ADGRG6: variants seen among roughly 807,000 people sequenced by gnomAD.
ADGRG6 encodes adhesion G protein-coupled receptor G6.
A neutral mutation model predicts 142.4 loss-of-function variants in ADGRG6; 84 were observed. The observed-to-expected ratio is 0.59, with a 90% CI of 0.49 to 0.71. The LOEUF (loss-of-function observed/expected upper bound fraction) is 0.71, where lower values mean the gene tolerates loss of function less well. Ranked by LOEUF, ADGRG6 falls within the 30% of genes least tolerant of loss-of-function variation. The probability of loss-of-function intolerance (pLI) is 0.00; values close to 1 mark genes in which losing one functional copy is unlikely to be tolerated. For synonymous variants in ADGRG6, 521 were observed against 520.5 expected, an observed-to-expected ratio of 1.00 and a Z score of -0.01; for missense variants, 1,367 against 1,466.6, an observed-to-expected ratio of 0.93 and a Z score of 1.11.
intron 2 of ADGRG6, among the ~76,000 whole-genome samples, chr6:142,357,557 C>T (rs991562000): frequency 3.9e-5 from 6 of 152,182 alleles, no homozygotes; most frequent in African/African-American, 1.4e-4. Context: ...CAAACCTTGG[C>T]TATTTAAACT....
At chr6:142,433,835 C>G (rs913469280) in intron 22 of ADGRG6, among the ~76,000 whole-genome samples, 1 of 152,152 alleles carries the variant, frequency 6.6e-6, no homozygotes, top group Admixed American at 6.5e-5. Context: ...GCAGGAGAAT[C>G]GTTTGAGGCC....
chr6:142,313,577 G>A (rs895598934), intron 2 of ADGRG6, among the ~76,000 whole-genome samples: 17 of 152,142 alleles, frequency 1.1e-4, no homozygotes, highest in Non-Finnish European at 1.9e-4. Flanking sequence ...ACAGCTACCA[G>A]GGGAAATGTT....
chr6:142,361,763 A>G (rs1302481963), intron 2 of ADGRG6, among the ~76,000 whole-genome samples: 1 of 151,988 alleles, frequency 6.6e-6, no homozygotes, highest in Non-Finnish European at 1.5e-5. Flanking sequence ...TTGGTGATAG[A>G]CCATGCAGTT....
At chr6:142,311,662 T>TA (rs746812714) in intron 2 of ADGRG6, among the ~76,000 whole-genome samples, 17 of 151,970 alleles carry the variant, frequency 1.1e-4, no homozygotes, top group Non-Finnish European at 2.5e-4. Flanking sequence ...TTTTGTTGAC[T>TA]AATTTTTGCT....
At chr6:142,411,933 T>C (rs1025923230) in intron 18 of ADGRG6, among the ~76,000 whole-genome samples, 1 of 152,156 alleles carries the variant, frequency 6.6e-6, no homozygotes, top group African/African-American at 2.4e-5. Context: ...GACTAGTGAC[T>C]AGGGTTAGAA....
At chr6:142,384,917 A>T (rs1036061090) in intron 6 of ADGRG6, among the ~76,000 whole-genome samples, 9 of 152,146 alleles carry the variant, frequency 5.9e-5, no homozygotes, top group South Asian at 2.1e-4. Flanking sequence ...GGTTATTCTG[A>T]TAGTTACACC....
intron 1 of ADGRG6, among the ~76,000 whole-genome samples, chr6:142,306,433 A>C (rs1311433937): frequency 1.3e-5 from 2 of 152,052 alleles, no homozygotes; most frequent in East Asian, 3.9e-4. Flanking sequence ...TGTGGGTCTC[A>C]AAAAGGACGC....
chr6:142,305,285 C>T (rs1389482164), intron 1 of ADGRG6, among the ~76,000 whole-genome samples: 1 of 152,024 alleles, frequency 6.6e-6, no homozygotes, highest in African/African-American at 2.4e-5. Flanking sequence ...CATTTTAAAT[C>T]TACAGGACGT....
intron 20 of ADGRG6, 79 bp downstream of exon 20, chr6:142,416,143 A>T (rs1228786529): frequency 1.3e-5 from 13 of 987,864 alleles, no homozygotes; most frequent in Admixed American, 7.7e-5. Context: ...AATCTTATTT[A>T]AAAAAAAATA....
At chr6:142,361,533 C>T (rs1166039435) in intron 2 of ADGRG6, among the ~76,000 whole-genome samples, 1 of 152,008 alleles carries the variant, frequency 6.6e-6, no homozygotes, top group East Asian at 1.9e-4. Context: ...CCAGAAGCAG[C>T]GTGTGCTCAG....
chr6:142,333,736 CT>C (rs1228422490), intron 2 of ADGRG6, among the ~76,000 whole-genome samples: 1 of 152,096 alleles, frequency 6.6e-6, no homozygotes. Flanking sequence ...TCAATAATAC[CT>C]ACTTCACACT....
intron 4 of ADGRG6, 51 bp downstream of exon 4, chr6:142,370,844 G>A: frequency 6.5e-7 from 1 of 1,531,188 alleles, no homozygotes; most frequent in East Asian, 2.3e-5. Flanking sequence ...ATTATTCTAT[G>A]AATATGATTG....
chr6:142,390,720 A>G (rs115470049), intron 7 of ADGRG6, among the ~76,000 whole-genome samples: 2 of 151,886 alleles, frequency 1.3e-5, no homozygotes, highest in East Asian at 1.9e-4. Context: ...GAAAAGACGC[A>G]TTATGAAAGT....
chr6:142,398,835 C>T (rs937999371), intron 10 of ADGRG6, among the ~76,000 whole-genome samples: 1 of 152,200 alleles, frequency 6.6e-6, no homozygotes, highest in South Asian at 2.1e-4. Flanking sequence ...GACCATAGTA[C>T]TTAGAAGACT....
chr6:142,361,037 ATTC>A (rs1358823089), intron 2 of ADGRG6, among the ~76,000 whole-genome samples: 2 of 152,140 alleles, frequency 1.3e-5, no homozygotes, highest in Admixed American at 1.3e-4. Flanking sequence ...TAATGTCATC[ATTC>A]TTCTTTTTGT....
At chr6:142,358,572 G>A (rs1780563167) in intron 2 of ADGRG6, among the ~76,000 whole-genome samples, 1 of 152,142 alleles carries the variant, frequency 6.6e-6, no homozygotes, top group Non-Finnish European at 1.5e-5. Context: ...TTTGTTCACT[G>A]GTAGTTTTGT....
At chr6:142,396,154 G>A (rs75231447) in intron 9 of ADGRG6, among the ~76,000 whole-genome samples, 1 of 152,158 alleles carries the variant, frequency 6.6e-6, no homozygotes, top group East Asian at 1.9e-4. Flanking sequence ...TTCAAGACAA[G>A]TAAAAGGTCA....
intron 2 of ADGRG6, among the ~76,000 whole-genome samples, chr6:142,323,005 G>C (rs1778591232): frequency 6.6e-6 from 1 of 152,044 alleles, no homozygotes; most frequent in Non-Finnish European, 1.5e-5. Context: ...GTTCTGCCCT[G>C]GTTACTGACT....
Position 142,369,798 on chromosome 6 carries a change from C to A in ADGRG6, c.446-372C>A, listed in dbSNP as rs189582463. Among the ~76,000 whole-genome samples, 21 of 152,220 alleles carry A rather than the reference C, an allele frequency of 1.4e-4. No individual in the cohort carries two copies. In the East Asian group the frequency reaches 4.0e-3, roughly 29 times the overall value. ...TTTGAAAAGTAGTATTTTTGAAAATCTTAATGTATAAACAAAGCCTTCCTG... is the reference window on the plus strand; with the variant it reads ...TTTGAAAAGTAGTATTTTTGAAAATATTAATGTATAAACAAAGCCTTCCTG... On this transcript the variant is annotated intron_variant, in intron 3 of 24. Coordinates refer to ENST00000367609, the MANE Select transcript of ADGRG6 (RefSeq NM_198569.3).
Sources: allele counts gnomAD v4.1 joint callset (sites outside exome capture counted in the v4.1 genomes callset), GRCh38; gene constraint gnomAD v4.1.1; transcripts MANE v1.5; gene names NCBI Gene and HGNC (gene_info 2026-07-23, HGNC 2026-07-21).